NELL1: variants seen among roughly 807,000 people sequenced by gnomAD.
NELL1 encodes protein kinase C-binding protein NELL1.
Under a neutral mutation model 107.4 loss-of-function variants are expected in NELL1, and 76 were observed. That is an observed-to-expected ratio of 0.71 (90% CI 0.59 to 0.86). NELL1 has a LOEUF of 0.86. Among genes scored for constraint, NELL1 ranks in the 40% least tolerant of loss-of-function variants. The probability of loss-of-function intolerance (pLI) is 0.00; values close to 1 mark genes in which losing one functional copy is unlikely to be tolerated. For missense variants in NELL1, 1,024 were observed against 1,005.5 expected (o/e 1.02, Z -0.25); for synonymous variants, 353 against 341.2 (o/e 1.03, Z -0.38).
At chr11:21,358,731 G>A (rs1314814304) in intron 14 of NELL1, among the ~76,000 whole-genome samples, 1 of 151,328 alleles carries the variant, frequency 6.6e-6, no homozygotes, top group African/African-American at 2.4e-5. Flanking sequence ...TGTTGTTGTT[G>A]TTGTTGTTGT....
At chr11:20,725,489 C>T (rs1223009494) in intron 2 of NELL1, among the ~76,000 whole-genome samples, 1 of 152,114 alleles carries the variant, frequency 6.6e-6, no homozygotes. Context: ...TGCTGGATCA[C>T]CGTGGGAATT....
chr11:20,774,428 C>G (rs920851183), intron 2 of NELL1, among the ~76,000 whole-genome samples: 2 of 137,570 alleles, frequency 1.5e-5, no homozygotes, highest in Non-Finnish European at 3.1e-5. Context: ...GGGTCTTTCT[C>G]ACTATGTTCC....
intron 13 of NELL1, among the ~76,000 whole-genome samples, chr11:21,186,865 C>A (rs1404303562): frequency 6.6e-6 from 1 of 151,858 alleles, no homozygotes; most frequent in Non-Finnish European, 1.5e-5. Context: ...TACAAACCCT[C>A]AATCTGTTCT....
intron 1 of NELL1, chr11:20,674,596 A>G (rs1218319763): frequency 2.9e-5 from 39 of 1,341,648 alleles, no homozygotes; most frequent in Non-Finnish European, 3.8e-5. Context: ...TTCCTATTTT[A>G]TGGATGAGGA....
At chr11:20,916,183 T>G (rs1361274990) in intron 5 of NELL1, among the ~76,000 whole-genome samples, 2 of 151,938 alleles carry the variant, frequency 1.3e-5, no homozygotes, top group Non-Finnish European at 2.9e-5. Flanking sequence ...ATTGGGAAGC[T>G]GTCAGCTTTT....
At chr11:20,670,669 G>A (rs890661150) in intron 1 of NELL1, 1 of 152,262 alleles carries the variant, frequency 6.6e-6, no homozygotes, top group Admixed American at 6.5e-5. Context: ...AGTAGTAGAT[G>A]CGGGGAGACT....
intron 14 of NELL1, among the ~76,000 whole-genome samples, chr11:21,363,616 G>A (rs946774241): frequency 1.4e-4 from 22 of 152,138 alleles, no homozygotes; most frequent in South Asian, 4.1e-4. Flanking sequence ...TCTCCTATCC[G>A]CCATCTTCCC....
intron 15 of NELL1, among the ~76,000 whole-genome samples, chr11:21,402,551 T>C (rs1852123011): frequency 6.6e-6 from 1 of 151,728 alleles, no homozygotes; most frequent in South Asian, 2.1e-4. Flanking sequence ...GATTGCCAAG[T>C]ATGATCATAA....
At chr11:21,380,707 A>G (rs1001143614) in intron 15 of NELL1, among the ~76,000 whole-genome samples, 1 of 152,044 alleles carries the variant, frequency 6.6e-6, no homozygotes, top group Admixed American at 6.6e-5. Context: ...GGTTGCAGAC[A>G]TATGGAAAAA....
intron 13 of NELL1, among the ~76,000 whole-genome samples, chr11:21,139,752 T>TA (rs1206216106): frequency 6.6e-6 from 1 of 152,148 alleles, no homozygotes; most frequent in African/African-American, 2.4e-5. Flanking sequence ...GCTAAAGATA[T>TA]ATTCAGTTGC....
chr11:21,410,840 A>G (rs1852357650), intron 15 of NELL1, among the ~76,000 whole-genome samples: 1 of 152,054 alleles, frequency 6.6e-6, no homozygotes, highest in Non-Finnish European at 1.5e-5. Flanking sequence ...GTTTCTGTGG[A>G]ATTAGACGCT....
intron 12 of NELL1, among the ~76,000 whole-genome samples, chr11:21,109,323 A>G (rs907491460): frequency 6.6e-6 from 1 of 152,130 alleles, no homozygotes; most frequent in African/African-American, 2.4e-5. Context: ...CCTGTGCCCA[A>G]AAATGTGCTT....
chr11:20,956,914 C>T (rs1253855384), intron 11 of NELL1, among the ~76,000 whole-genome samples: 1 of 151,972 alleles, frequency 6.6e-6, no homozygotes, highest in East Asian at 1.9e-4. Flanking sequence ...TTACCTATTC[C>T]TTCTAGTTCA....
At chr11:20,868,241 C>T (rs1035419206) in intron 4 of NELL1, among the ~76,000 whole-genome samples, 2 of 152,072 alleles carry the variant, frequency 1.3e-5, no homozygotes, top group Non-Finnish European at 2.9e-5. Flanking sequence ...TCCATGACTC[C>T]CAAGCCATCA....
At chr11:21,458,023 A>AC (rs1554915964) in intron 15 of NELL1, among the ~76,000 whole-genome samples, 158 of 151,764 alleles carry the variant, frequency 1.0e-3, no homozygotes, top group Middle Eastern at 3.4e-3. Context: ...AGATCAGGTG[A>AC]TGGAGACCAA....
intron 15 of NELL1, among the ~76,000 whole-genome samples, chr11:21,434,982 T>C (rs1248384788): frequency 6.6e-6 from 1 of 152,186 alleles, no homozygotes; most frequent in African/African-American, 2.4e-5. Context: ...TTTTACCTAG[T>C]TAATTATTGG....
intron 15 of NELL1, among the ~76,000 whole-genome samples, chr11:21,379,622 G>A (rs1404214115): frequency 6.6e-6 from 1 of 151,972 alleles, no homozygotes; most frequent in African/African-American, 2.4e-5. Context: ...ATTTTTAAAA[G>A]CTTAAAATAA....
intron 14 of NELL1, among the ~76,000 whole-genome samples, chr11:21,321,714 C>G (rs990112855): frequency 6.6e-6 from 1 of 152,108 alleles, no homozygotes; most frequent in African/African-American, 2.4e-5. Flanking sequence ...CTTGTCCAGG[C>G]CACACAGCTG....
chr11:20,901,176 A>G (rs761510934), intron 5 of NELL1, among the ~76,000 whole-genome samples: 9 of 152,122 alleles, frequency 5.9e-5, no homozygotes, highest in Non-Finnish European at 1.0e-4. Context: ...ATTAACTTAT[A>G]TATTGCCTAT....
Sources: allele counts gnomAD v4.1 joint callset (sites outside exome capture counted in the v4.1 genomes callset), GRCh38; gene constraint gnomAD v4.1.1; transcripts MANE v1.5; gene names NCBI Gene and HGNC (gene_info 2026-07-23, HGNC 2026-07-21).